Variants in PLA2G4E observed in about 807,000 individuals in gnomAD.
PLA2G4E encodes the protein phospholipase A2 group IVE.
A neutral mutation model predicts 109.1 loss-of-function variants in PLA2G4E; 84 were observed. That is an observed-to-expected ratio of 0.77 (90% CI 0.65 to 0.92). The LOEUF is 0.92. Ranked by LOEUF, PLA2G4E falls within the 40% of genes least tolerant of loss-of-function variation. The pLI, the probability that PLA2G4E is intolerant of heterozygous loss-of-function variation, is 0.00. For synonymous variants in PLA2G4E, 469 were observed against 436.1 expected (o/e 1.08, Z -0.94); for missense variants, 1,057 against 1,076.6 (o/e 0.98, Z 0.25).
intron 12 of PLA2G4E, among the ~76,000 whole-genome samples, chr15:41,994,555 G>A (rs1425226192): frequency 6.6e-6 from 1 of 152,112 alleles, no homozygotes; most frequent in African/African-American, 2.4e-5. Context: ...TTAAAGACAA[G>A]TCCTCCCTAT....
intron 1 of PLA2G4E, among the ~76,000 whole-genome samples, chr15:42,021,541 C>A (rs1485744173): frequency 1.3e-5 from 2 of 151,964 alleles, no homozygotes; most frequent in Non-Finnish European, 2.9e-5. Context: ...GTCAGTGCTC[C>A]CAAAGCTAGA....
intron 1 of PLA2G4E, among the ~76,000 whole-genome samples, chr15:42,015,798 G>C (rs1045388910): frequency 6.6e-6 from 1 of 152,162 alleles, no homozygotes; most frequent in Non-Finnish European, 1.5e-5. Context: ...GGTCCCTAGG[G>C]GCCCAAGGCT....
At chr15:42,045,128 G>A (rs1381607574) in intron 1 of PLA2G4E, among the ~76,000 whole-genome samples, 3 of 152,216 alleles carry the variant, frequency 2.0e-5, no homozygotes, top group Non-Finnish European at 4.4e-5. Flanking sequence ...AAGATCCCAC[G>A]TGGAGGCCGG....
chr15:41,999,791 TCCTGCCTGAGAGAGAC>T, intron 9 of PLA2G4E, 110 bp downstream of exon 9: 3 of 1,195,932 alleles, frequency 2.5e-6, no homozygotes, highest in Non-Finnish European at 3.6e-6. Context: ...GACTCCTCCA[TCCTGCCTGAGAGAGAC>T]CCTCACGAGT....
chr15:42,017,494 G>A (rs181439142), intron 1 of PLA2G4E, among the ~76,000 whole-genome samples: 1 of 152,324 alleles, frequency 6.6e-6, no homozygotes, highest in East Asian at 1.9e-4. Flanking sequence ...GCCCCACGAA[G>A]CAGTTATTAT....
chr15:41,999,250 T>C (rs1322232449), intron 10 of PLA2G4E, among the ~76,000 whole-genome samples: 1 of 152,072 alleles, frequency 6.6e-6, no homozygotes, highest in Non-Finnish European at 1.5e-5. Context: ...GAGGAAATAT[T>C]TGCAAATCAT....
At chr15:42,000,028 G>A in intron 8 of PLA2G4E, 28 bp from the exon 9 acceptor site, 1 of 1,592,302 alleles carries the variant, frequency 6.3e-7, no homozygotes, top group Non-Finnish European at 8.5e-7. Context: ...TTCTGTGAGA[G>A]GGGCTGGGGA....
At chr15:42,008,220 T>C (rs1638524611) in intron 2 of PLA2G4E, among the ~76,000 whole-genome samples, 1 of 152,122 alleles carries the variant, frequency 6.6e-6, no homozygotes, top group Non-Finnish European at 1.5e-5. Context: ...TCCCCAAGGG[T>C]CCGGATTACT....
rs1226294460 is a variant in PLA2G4E at position 41,994,150 on chromosome 15, ACT to A, written c.1248-1193_1248-1192del. Among the ~76,000 whole-genome samples, 7 of 152,094 alleles carry A rather than the reference ACT, an allele frequency of 4.6e-5. No individual in the cohort carries two copies. In the South Asian group the frequency reaches 6.2e-4, roughly 14 times the overall value. On this transcript the variant is annotated intron_variant, in intron 12 of 19. Coordinates refer to ENST00000399518, the Ensembl canonical transcript of PLA2G4E. ...ATTAACTGAGTGTCCCTGGCAAATT[ACT>A]CTGTTTCTCCAGCTGAAAAATAATG...
intron 1 of PLA2G4E, among the ~76,000 whole-genome samples, chr15:42,036,942 G>C (rs777500866): frequency 6.6e-6 from 1 of 152,194 alleles, no homozygotes; most frequent in Non-Finnish European, 1.5e-5. Flanking sequence ...CGCCCACTCC[G>C]ATCTCAGAGC....
chr15:42,031,136 T>TA (rs894987266), intron 1 of PLA2G4E, among the ~76,000 whole-genome samples: 16 of 151,340 alleles, frequency 1.1e-4, no homozygotes, highest in African/African-American at 3.6e-4. Context: ...CCCAGCTAAT[T>TA]AAAAAAAAAT....
intron 1 of PLA2G4E, among the ~76,000 whole-genome samples, chr15:42,034,462 G>A (rs1889172397): frequency 6.6e-6 from 1 of 152,170 alleles, no homozygotes; most frequent in Admixed American, 6.5e-5. Context: ...TGAACCTAGA[G>A]TCCCTTTCCC....
At chr15:41,984,949 C>T (rs915642574) in intron 18 of PLA2G4E, among the ~76,000 whole-genome samples, 2 of 152,182 alleles carry the variant, frequency 1.3e-5, no homozygotes, top group African/African-American at 4.8e-5. Flanking sequence ...CCAGAGCTGC[C>T]CAGGCCCCTG....
At chr15:42,044,516 G>A (rs372133459) in intron 1 of PLA2G4E, among the ~76,000 whole-genome samples, 18 of 151,852 alleles carry the variant, frequency 1.2e-4, no homozygotes, top group East Asian at 5.8e-4. Flanking sequence ...GGATGCCACC[G>A]AAGGGTATTA....
At position 42,004,612 on chromosome 15, in the gene PLA2G4E, C is replaced by T. The variant is rs531435881; in HGVS notation, c.566+326G>A. 2.0e-5 allele frequency among the ~76,000 whole-genome samples: 3 copies of T among 152,272 alleles called. No homozygotes were observed. The East Asian group carries it at 5.8e-4, about 29-fold the overall frequency. On this transcript the variant is annotated intron_variant, in intron 5 of 19. Coordinates refer to ENST00000399518, the Ensembl canonical transcript of PLA2G4E. ...TCTCAGCTGGGCCTCAACAAGGCCC[C>T]CATCGCCATGGTGGCAGGAACTCTT...
intron 1 of PLA2G4E, among the ~76,000 whole-genome samples, chr15:42,044,082 G>C (rs897671244): frequency 6.6e-6 from 1 of 152,206 alleles, no homozygotes; most frequent in African/African-American, 2.4e-5. Flanking sequence ...TAAATGCTAG[G>C]CACTGTGCTA....
intron 1 of PLA2G4E, among the ~76,000 whole-genome samples, chr15:42,035,981 C>G (rs2141073614): frequency 7.3e-6 from 1 of 136,830 alleles, no homozygotes; most frequent in Non-Finnish European, 1.5e-5. Flanking sequence ...AATATCCATT[C>G]TGCTATAAAC....
rs552028858 is a variant in PLA2G4E at position 42,013,252 on chromosome 15, GCTCCACGA to G, written c.256+425_256+432del. Among the ~76,000 whole-genome samples the G allele has an allele frequency of 1.6e-3, 246 of 152,322 alleles. 1 individual carries two copies. Among genetic ancestry groups the G allele is most frequent in the African/African-American group, 5.5e-3 (230 of 41,572 alleles). On this transcript the variant is annotated intron_variant, in intron 2 of 19. Coordinates refer to ENST00000399518, the Ensembl canonical transcript of PLA2G4E. ...GGCTCTGGGAGTCACCTGGCAGCTG[GCTCCACGA>G]TGCCTAAGTGCCTCTCCTTCCACTT...
At chr15:41,982,497 C>G (rs769992088) in exon 20 of PLA2G4E, 1 of 152,160 alleles carries the variant, frequency 6.6e-6, no homozygotes, top group Non-Finnish European at 1.5e-5. Flanking sequence ...GCACTGGTCA[C>G]GGTGTTGACA....
Sources: gnomAD v4.1 joint callset for allele counts (sites outside exome capture counted in the v4.1 genomes callset) on GRCh38, gnomAD v4.1.1 for gene constraint, MANE v1.5 for transcripts, NCBI Gene and HGNC (gene_info 2026-07-23, HGNC 2026-07-21) for gene names.